Variants in ATP1B3 observed in about 807,000 individuals in gnomAD.
ATP1B3 encodes ATPase Na+/K+ transporting subunit beta 3.
A neutral mutation model predicts 30.2 loss-of-function variants in ATP1B3; 10 were observed. That is an observed-to-expected ratio of 0.33 (90% confidence interval 0.20 to 0.56). The LOEUF is 0.56. ATP1B3 is among the 20% of genes least tolerant of loss of function. ATP1B3 has a pLI of 0.90. For missense variants in ATP1B3, 238 were observed against 336.7 expected, an observed-to-expected ratio of 0.71 and a Z score of 2.29; for synonymous variants, 113 against 117.0, an observed-to-expected ratio of 0.97 and a Z score of 0.22.
intron 2 of ATP1B3, among the ~76,000 whole-genome samples, chr3:141,906,215 T>C (rs1934263422): frequency 6.6e-6 from 1 of 152,046 alleles, no homozygotes. Flanking sequence ...AGTCTCGCTC[T>C]GTCGCCCAGG....
chr3:141,913,585 A>T, intron 3 of ATP1B3, 67 bp from the exon 4 acceptor site: 5 of 1,328,578 alleles, frequency 3.8e-6, no homozygotes, highest in Non-Finnish European at 5.1e-6. Flanking sequence ...CCAAAGGTTA[A>T]TATATTCCTG....
chr3:141,895,717 ATC>A (rs1934053234), intron 1 of ATP1B3, among the ~76,000 whole-genome samples: 1 of 152,216 alleles, frequency 6.6e-6, no homozygotes, highest in Non-Finnish European at 1.5e-5. Flanking sequence ...TTGGGTAAAT[ATC>A]TAGAAGTAGA....
chr3:141,877,280 C>T (rs1323908158), intron 1 of ATP1B3, among the ~76,000 whole-genome samples: 2 of 141,272 alleles, frequency 1.4e-5, no homozygotes, highest in Non-Finnish European at 3.2e-5. Flanking sequence ...CCCGGGCCTC[C>T]TTTGTACGGA....
rs773987927 is a variant in ATP1B3 at position 141,876,851 on chromosome 3, A to G, written c.50A>G (p.Lys17Arg). Residue 17 changes from lysine (K) to arginine (R), a missense_variant, in exon 1 of 7, where the codon AAG becomes AGG. By Grantham distance (26) the Lys-to-Arg change is conservative. Around this residue, in one of 3 missense-constraint regions of ATP1B3, gnomAD observed 130 missense variants for 148.8 expected, o/e 0.87. Coordinates refer to ENST00000286371, the MANE Select transcript of ATP1B3 (RefSeq NM_001679.4). Reference protein sequence around the residue: ...KSLNQSLAEWKLFIYNPTTGE... With the variant: ...KSLNQSLAEWRLFIYNPTTGE... ...CTCAACCAGAGCCTGGCCGAGTGGA[A>G]GCTCTTCATCTACAACCCGACCACC... 6.3e-7 allele frequency: 1 copy of G among 1,585,186 alleles called. No homozygotes were observed. Among genetic ancestry groups the G allele is most frequent in the Admixed American group, 1.7e-5 (1 of 57,980 alleles).
chr3:141,907,834 T>C (rs1427312032), intron 3 of ATP1B3, among the ~76,000 whole-genome samples: 1 of 152,182 alleles, frequency 6.6e-6, no homozygotes, highest in East Asian at 1.9e-4. Flanking sequence ...TTCTGTCTTA[T>C]AATAAGGACA....
At chr3:141,885,921 A>ACACACC (rs1248761210) in intron 1 of ATP1B3, among the ~76,000 whole-genome samples, 4 of 147,992 alleles carry the variant, frequency 2.7e-5, no homozygotes, top group Non-Finnish European at 5.9e-5. Context: ...ACACACACAC[A>ACACACC]CACCCCTGTA....
intron 3 of ATP1B3, among the ~76,000 whole-genome samples, chr3:141,911,597 C>T (rs1576398289): frequency 1.3e-5 from 2 of 151,708 alleles, no homozygotes; most frequent in East Asian, 3.9e-4. Flanking sequence ...TGGGTTCAAG[C>T]GACCCTCATG....
chr3:141,913,525 A>G, intron 3 of ATP1B3, 127 bp from the exon 4 acceptor site: 1 of 781,252 alleles, frequency 1.3e-6, no homozygotes, highest in Non-Finnish European at 2.0e-6. Context: ...TTCTTTCCCT[A>G]AAGTTATCTG....
chr3:141,897,678 A>G (rs1310612333), intron 1 of ATP1B3, among the ~76,000 whole-genome samples: 1 of 152,204 alleles, frequency 6.6e-6, no homozygotes, highest in Non-Finnish European at 1.5e-5. Context: ...ACATTTTATT[A>G]AAACAGTACA....
intron 3 of ATP1B3, among the ~76,000 whole-genome samples, chr3:141,911,948 A>G (rs1383476430): frequency 6.6e-6 from 1 of 152,226 alleles, no homozygotes; most frequent in East Asian, 1.9e-4. Context: ...AGTGGAAGTC[A>G]GCATAATAAA....
intron 1 of ATP1B3, among the ~76,000 whole-genome samples, chr3:141,890,106 TTTG>T (rs1280696442): frequency 7.0e-6 from 1 of 143,144 alleles, no homozygotes. Context: ...TTTTTTTTTT[TTTG>T]AGACAGAGTG....
chr3:141,913,352 C>G (rs1375555198), intron 3 of ATP1B3, among the ~76,000 whole-genome samples: 1 of 152,186 alleles, frequency 6.6e-6, no homozygotes, highest in Admixed American at 6.5e-5. Flanking sequence ...CATTGTATCA[C>G]CAAGCATGCA....
chr3:141,918,612 G>A (rs892157025), intron 5 of ATP1B3: 4 of 151,972 alleles, frequency 2.6e-5, no homozygotes, highest in African/African-American at 9.7e-5. Flanking sequence ...TTAATTTTTT[G>A]TATTTTAGTA....
intron 1 of ATP1B3, among the ~76,000 whole-genome samples, chr3:141,894,427 G>A (rs1436096202): frequency 2.0e-5 from 3 of 151,664 alleles, no homozygotes; most frequent in Non-Finnish European, 4.4e-5. Flanking sequence ...CAAAGCTATG[G>A]GATTGCAGGT....
intron 1 of ATP1B3, among the ~76,000 whole-genome samples, chr3:141,884,057 T>G (rs1933785188): frequency 6.6e-6 from 1 of 152,186 alleles, no homozygotes; most frequent in Admixed American, 6.5e-5. Context: ...CCTCATAAAG[T>G]CTTTTTTTCT....
chr3:141,903,059 C>T (rs990554733), intron 1 of ATP1B3: 1 of 153,470 alleles, frequency 6.5e-6, no homozygotes, highest in Non-Finnish European at 1.5e-5. Flanking sequence ...CAAAGTGTTT[C>T]CTGGGCTAGT....
At chr3:141,883,863 A>G (rs1352145458) in intron 1 of ATP1B3, among the ~76,000 whole-genome samples, 1 of 152,144 alleles carries the variant, frequency 6.6e-6, no homozygotes, top group African/African-American at 2.4e-5. Flanking sequence ...TTTTCATGGA[A>G]GTTCAGTGTT....
At chr3:141,913,540 T>C (rs1165148998) in intron 3 of ATP1B3, 112 bp from the exon 4 acceptor site, 15 of 903,866 alleles carry the variant, frequency 1.7e-5, no homozygotes, top group Non-Finnish European at 6.5e-6. Context: ...TATCTGGTAA[T>C]TTACATTGCT....
At chr3:141,884,706 C>CTTCT (rs1933797033) in intron 1 of ATP1B3, among the ~76,000 whole-genome samples, 1 of 152,194 alleles carries the variant, frequency 6.6e-6, no homozygotes, top group African/African-American at 2.4e-5. Context: ...GTGCTGGATG[C>CTTCT]TTCCTACCCT....
Sources: gnomAD v4.1 joint callset for allele counts (sites outside exome capture counted in the v4.1 genomes callset) on GRCh38, gnomAD v4.1.1 for gene constraint, gnomAD v4.1.1 regional missense constraint, MANE v1.5 for transcripts, NCBI Gene and HGNC (gene_info 2026-07-23, HGNC 2026-07-21) for gene names.